Variants in CRADD observed in about 807,000 individuals in gnomAD.
CRADD encodes CARD and death domain containing adaptor protein.
CRADD carries 9 observed loss-of-function variants against 15.5 expected under a neutral mutation model. That is an observed-to-expected ratio of 0.58 (90% confidence interval 0.35 to 1.01). The LOEUF (loss-of-function observed/expected upper bound fraction) is 1.01. Ranked by LOEUF, CRADD falls within the 50% of genes least tolerant of loss-of-function variation. The pLI is 0.02. For missense variants in CRADD, 227 were observed against 250.3 expected (o/e 0.91, Z 0.63); for synonymous variants, 118 against 107.6 (o/e 1.10, Z -0.60).
At chr12:93,798,636 C>G (rs1957445827) in intron 2 of CRADD, among the ~76,000 whole-genome samples, 1 of 152,144 alleles carries the variant, frequency 6.6e-6, no homozygotes, top group South Asian at 2.1e-4. Flanking sequence ...ATTATTCTTC[C>G]TTTCCAAGGT....
At chr12:93,857,501 G>A (rs1198825958) in intron 2 of CRADD, among the ~76,000 whole-genome samples, 3 of 152,310 alleles carry the variant, frequency 2.0e-5, no homozygotes, top group African/African-American at 7.2e-5. Context: ...GTGTGCCCTG[G>A]CCAAGAATGA....
intron 2 of CRADD, among the ~76,000 whole-genome samples, chr12:93,798,928 C>T (rs1051377265): frequency 6.6e-6 from 1 of 152,112 alleles, no homozygotes; most frequent in African/African-American, 2.4e-5. Flanking sequence ...GCCCTGTAGC[C>T]TGGCTCTCTT....
chr12:93,678,993 A>G lies in CRADD; in HGVS notation c.219A>G (p.Leu73=), dbSNP rs749565648. The change falls in exon 2 of 3, where the codon CTA becomes CTG. Residue 73 remains leucine, a synonymous_variant. Transcript: ENST00000332896. ...GCCCTAAAGCATTTGATACATTCCT[A>G]GATTCCCTACAGGAGTTTCCCTGGG... ...SRGPKAFDTF[L]DSLQEFPWVR... is the part of the protein sequence containing the mutation. 1 of 1,614,110 alleles carries G rather than the reference A, an allele frequency of 6.2e-7. No homozygotes were observed.
chr12:93,893,765 G>T (rs1396397281), intron 2 of CRADD, among the ~76,000 whole-genome samples: 3 of 152,054 alleles, frequency 2.0e-5, no homozygotes, highest in East Asian at 1.9e-4. Flanking sequence ...AATTAGCCAG[G>T]CGCGGTAGCA....
At chr12:93,864,043 C>T (rs1178046545) in intron 2 of CRADD, among the ~76,000 whole-genome samples, 2 of 151,926 alleles carry the variant, frequency 1.3e-5, no homozygotes, top group African/African-American at 4.8e-5. Context: ...GGCCACATGC[C>T]CAGTTAGATT....
At chr12:93,755,763 G>A (rs1003242089) in intron 2 of CRADD, among the ~76,000 whole-genome samples, 2 of 152,170 alleles carry the variant, frequency 1.3e-5, no homozygotes, top group African/African-American at 4.8e-5. Flanking sequence ...GCTCCGCAGA[G>A]CCCCTCTCTG....
At chr12:93,863,879 T>G (rs1310269503) in intron 2 of CRADD, among the ~76,000 whole-genome samples, 2 of 152,090 alleles carry the variant, frequency 1.3e-5, no homozygotes, top group Non-Finnish European at 1.5e-5. Context: ...TCACTTAAAT[T>G]TTTTTTATTT....
intron 2 of CRADD, chr12:93,831,492 C>A (rs1957901002): frequency 6.6e-6 from 1 of 152,254 alleles, no homozygotes; most frequent in Admixed American, 6.5e-5. Context: ...TGTGAATCTG[C>A]ATGGCAGCAC....
chr12:93,792,582 A>T (rs1336901478), intron 2 of CRADD, among the ~76,000 whole-genome samples: 1 of 152,168 alleles, frequency 6.6e-6, no homozygotes, highest in African/African-American at 2.4e-5. Context: ...GGTGTCATAA[A>T]CTGTAATAGT....
chr12:93,746,893 A>G (rs1956761480), intron 2 of CRADD, among the ~76,000 whole-genome samples: 2 of 152,096 alleles, frequency 1.3e-5, no homozygotes, highest in Admixed American at 6.5e-5. Context: ...ATATTTCTGC[A>G]GTGAAACTGA....
intron 2 of CRADD, among the ~76,000 whole-genome samples, chr12:93,796,328 G>T (rs1050252999): frequency 9.9e-5 from 15 of 152,126 alleles, no homozygotes; most frequent in African/African-American, 3.1e-4. Context: ...ATCTGGGCTG[G>T]GCACGATGGC....
At chr12:93,701,483 C>T (rs60365139) in intron 2 of CRADD, among the ~76,000 whole-genome samples, 4,260 of 152,238 alleles carry the variant, frequency 0.028, 129 homozygotes, top group East Asian at 0.087. Flanking sequence ...TGCTGGAGCC[C>T]CAGGCCATCT....
chr12:93,753,892 C>T (rs755369032), intron 2 of CRADD, among the ~76,000 whole-genome samples: 10 of 152,166 alleles, frequency 6.6e-5, no homozygotes, highest in Non-Finnish European at 1.3e-4. Context: ...GTCTGGAGGG[C>T]GTGGCCCTCT....
intron 2 of CRADD, among the ~76,000 whole-genome samples, chr12:93,713,038 T>G (rs1438610265): frequency 6.6e-6 from 1 of 152,134 alleles, no homozygotes; most frequent in African/African-American, 2.4e-5. Context: ...AGAATCTTTT[T>G]TGTGTGTGTC....
Position 93,876,799 on chromosome 12 carries a change from C to G in CRADD, c.299-17251C>G, listed in dbSNP as rs182631746. On this transcript the variant is annotated intron_variant, in intron 2 of 2. Coordinates refer to the CRADD transcript ENST00000548483. ...ATTTTCTGCCTGAAAGGTCACATATCTCCATTTTTCCAGGATTGGTCCCTG... is the reference window on the plus strand; with the variant it reads ...ATTTTCTGCCTGAAAGGTCACATATGTCCATTTTTCCAGGATTGGTCCCTG... Among the ~76,000 whole-genome samples the G allele has an allele frequency of 6.4e-4, 97 of 152,244 alleles. No individual in the cohort carries two copies. In the East Asian group the frequency reaches 0.017, roughly 26 times the overall value.
intron 2 of CRADD, among the ~76,000 whole-genome samples, chr12:93,874,324 T>C (rs1958443651): frequency 6.6e-6 from 1 of 152,008 alleles, no homozygotes; most frequent in Non-Finnish European, 1.5e-5. Context: ...TTTGCATCTT[T>C]TCTCTTTTTT....
At chr12:93,732,544 T>C (rs1434315049) in intron 2 of CRADD, among the ~76,000 whole-genome samples, 1 of 152,242 alleles carries the variant, frequency 6.6e-6, no homozygotes, top group East Asian at 1.9e-4. Context: ...AATGGTTTTT[T>C]GACCCTGTTC....
intron 2 of CRADD, among the ~76,000 whole-genome samples, chr12:93,698,004 T>C (rs1030736953): frequency 6.6e-6 from 1 of 152,226 alleles, no homozygotes; most frequent in Non-Finnish European, 1.5e-5. Context: ...AGGATGCTCC[T>C]TTCCTCTGGG....
intron 2 of CRADD, among the ~76,000 whole-genome samples, chr12:93,893,437 G>C (rs1958590587): frequency 6.6e-6 from 1 of 151,998 alleles, no homozygotes; most frequent in African/African-American, 2.4e-5. Flanking sequence ...GGAAGACTAG[G>C]GGAAATCATG....
Sources: allele counts gnomAD v4.1 joint callset (sites outside exome capture counted in the v4.1 genomes callset), GRCh38; gene constraint gnomAD v4.1.1; transcripts MANE v1.5; gene names NCBI Gene and HGNC (gene_info 2026-07-23, HGNC 2026-07-21).